PRTG: variants seen among roughly 807,000 people sequenced by gnomAD.
PRTG encodes the protein immunoglobulin superfamily, DCC subclass, member 5.
In PRTG, 67 loss-of-function variants were observed where a neutral mutation model predicts 122.5. The ratio of observed to expected loss-of-function variants is 0.55; its 90% confidence interval spans 0.45 to 0.67. PRTG has a LOEUF of 0.67. PRTG is among the 30% of genes least tolerant of loss of function. PRTG has a pLI of 0.00. For missense variants in PRTG, 1,435 were observed against 1,415.4 expected (o/e 1.01, Z -0.22); for synonymous variants, 554 against 501.1 (o/e 1.11, Z -1.41).
intron 11 of PRTG, among the ~76,000 whole-genome samples, chr15:55,661,712 C>T (rs1305369561): frequency 1.3e-5 from 2 of 152,184 alleles, no homozygotes; most frequent in Non-Finnish European, 2.9e-5. Flanking sequence ...ATCAACTTTT[C>T]AGTCATTCTA....
intron 2 of PRTG, among the ~76,000 whole-genome samples, chr15:55,692,047 A>C (rs2059605904): frequency 6.6e-6 from 1 of 152,154 alleles, no homozygotes; most frequent in Non-Finnish European, 1.5e-5. Flanking sequence ...AAAAAAATAA[A>C]AATAAAAATA....
At chr15:55,726,649 AAAAAAAAAT>A (rs1335181279) in intron 2 of PRTG, among the ~76,000 whole-genome samples, 1 of 151,752 alleles carries the variant, frequency 6.6e-6, no homozygotes, top group Non-Finnish European at 1.5e-5. Flanking sequence ...CTCAAAAAAA[AAAAAAAAAT>A]AGATTAAAAT....
chr15:55,640,704 G>C (rs1486916549), intron 12 of PRTG, among the ~76,000 whole-genome samples: 2 of 151,844 alleles, frequency 1.3e-5, no homozygotes, highest in Admixed American at 6.6e-5. Context: ...TATTTACTGA[G>C]CACCTATTTG....
chr15:55,729,407 G>A (rs1595681983), intron 2 of PRTG, among the ~76,000 whole-genome samples: 1 of 151,962 alleles, frequency 6.6e-6, no homozygotes, highest in Non-Finnish European at 1.5e-5. Context: ...TCTTTTTGGG[G>A]TGATGAAAAT....
At chr15:55,654,388 G>A (rs973703041) in intron 11 of PRTG, among the ~76,000 whole-genome samples, 4 of 152,090 alleles carry the variant, frequency 2.6e-5, no homozygotes, top group Non-Finnish European at 5.9e-5. Flanking sequence ...ACTTAAAAGC[G>A]AGTAAAATGG....
chr15:55,646,137 G>A (rs1405273214), intron 11 of PRTG, among the ~76,000 whole-genome samples: 2 of 150,564 alleles, frequency 1.3e-5, no homozygotes, highest in African/African-American at 4.9e-5. Context: ...CTCCTAAGTA[G>A]CTGGGAGTAC....
At chr15:55,642,478 G>A (rs999560120) in intron 11 of PRTG, among the ~76,000 whole-genome samples, 3 of 151,550 alleles carry the variant, frequency 2.0e-5, no homozygotes, top group African/African-American at 7.3e-5. Flanking sequence ...TTAGCCGGAC[G>A]TGATGGCACA....
intron 11 of PRTG, among the ~76,000 whole-genome samples, chr15:55,645,217 C>T (rs1024445324): frequency 4.0e-5 from 6 of 151,054 alleles, no homozygotes; most frequent in East Asian, 2.0e-4. Context: ...GGGCGGATCA[C>T]GAGGTCAGGA....
chr15:55,643,356 A>T (rs2059303067), intron 11 of PRTG, among the ~76,000 whole-genome samples: 1 of 152,194 alleles, frequency 6.6e-6, no homozygotes, highest in Admixed American at 6.5e-5. Flanking sequence ...TTTTGGATAC[A>T]TCCTCTTATT....
intron 2 of PRTG, among the ~76,000 whole-genome samples, chr15:55,719,087 G>A (rs1249492685): frequency 6.6e-6 from 1 of 151,910 alleles, no homozygotes; most frequent in Admixed American, 6.6e-5. Flanking sequence ...ATATATAACT[G>A]GTTCTATAAA....
At chr15:55,625,712 C>CA (rs909848719) in intron 17 of PRTG, among the ~76,000 whole-genome samples, 9 of 151,786 alleles carry the variant, frequency 5.9e-5, no homozygotes, top group Non-Finnish European at 1.3e-4. Flanking sequence ...CAAGCTCCCC[C>CA]TCCCGGGTTC....
intron 2 of PRTG, among the ~76,000 whole-genome samples, chr15:55,727,765 CAGCCTTGGCGACAG>C (rs2031086782): frequency 6.6e-6 from 1 of 152,168 alleles, no homozygotes; most frequent in African/African-American, 2.4e-5. Context: ...CACTGCACTC[CAGCCTTGGCGACAG>C]AGCGAGACTC....
At chr15:55,728,010 G>A in intron 2 of PRTG, among the ~76,000 whole-genome samples, 1 of 152,026 alleles carries the variant, frequency 6.6e-6, no homozygotes, top group East Asian at 1.9e-4. Context: ...GACTATAGGT[G>A]TGTCCCACCA....
At chr15:55,725,307 G>A (rs892570822) in intron 2 of PRTG, among the ~76,000 whole-genome samples, 3 of 152,002 alleles carry the variant, frequency 2.0e-5, no homozygotes, top group African/African-American at 7.3e-5. Context: ...AAGGAAATGA[G>A]AAGAAATTCA....
intron 11 of PRTG, among the ~76,000 whole-genome samples, chr15:55,658,307 ATTG>A (rs1234979762): frequency 1.3e-5 from 2 of 150,970 alleles, no homozygotes. Context: ...CATGCGCATT[ATTG>A]TTTTTATTTT....
chr15:55,640,572 A>C (rs1332165036), intron 12 of PRTG, among the ~76,000 whole-genome samples: 1 of 152,210 alleles, frequency 6.6e-6, no homozygotes, highest in Non-Finnish European at 1.5e-5. Flanking sequence ...CTCGAGGGAA[A>C]AGCAGACTTT....
At chr15:55,729,583 C>T (rs1028193202) in intron 2 of PRTG, among the ~76,000 whole-genome samples, 11 of 149,558 alleles carry the variant, frequency 7.4e-5, no homozygotes, top group African/African-American at 2.5e-4. Context: ...CAAGATTCTG[C>T]GGGGAAAAAA....
chr15:55,661,723 C>T (rs2059410808), intron 11 of PRTG, among the ~76,000 whole-genome samples: 1 of 152,136 alleles, frequency 6.6e-6, no homozygotes, highest in South Asian at 2.1e-4. Context: ...AGTCATTCTA[C>T]AAAGAGAAGC....
chr15:55,688,444 T>G (rs1404423719), intron 2 of PRTG, among the ~76,000 whole-genome samples: 5 of 152,190 alleles, frequency 3.3e-5, no homozygotes, highest in Admixed American at 2.0e-4. Flanking sequence ...CTGTTGCTGC[T>G]GATTCCCCTA....
Sources: allele counts gnomAD v4.1 joint callset (sites outside exome capture counted in the v4.1 genomes callset), GRCh38; gene constraint gnomAD v4.1.1; transcripts MANE v1.5; gene names NCBI Gene and HGNC (gene_info 2026-07-23, HGNC 2026-07-21).